The following BANP variants were observed in gnomAD, a reference collection of about 807,000 sequenced individuals.
BANP encodes the protein protein BANP.
In BANP, 11 loss-of-function variants were observed where a neutral mutation model predicts 68.1. That is an observed-to-expected ratio of 0.16 (90% CI 0.10 to 0.27). The LOEUF (loss-of-function observed/expected upper bound fraction) is 0.27, where lower values mean the gene tolerates loss of function less well. BANP is among the 10% of genes least tolerant of loss of function. BANP has a pLI of 1.00. For synonymous variants in BANP, 329 were observed against 303.2 expected (o/e 1.09, Z -0.88); for missense variants, 504 against 722.7 (o/e 0.70, Z 3.47).
chr16:87,998,025 G>A (rs188685321), intron 4 of BANP, among the ~76,000 whole-genome samples: 11 of 152,242 alleles, frequency 7.2e-5, no homozygotes, highest in East Asian at 1.9e-4. Context: ...GCTCTGGGTC[G>A]GGATTCTCAG....
chr16:88,037,898 T>G, intron 10 of BANP, 75 bp from the exon 11 acceptor site: 2 of 1,448,732 alleles, frequency 1.4e-6, no homozygotes, highest in Non-Finnish European at 1.9e-6. Context: ...TGATGTGTCT[T>G]GGCGTGTTTG....
intron 2 of BANP, among the ~76,000 whole-genome samples, chr16:87,976,568 T>A (rs944685329): frequency 1.3e-5 from 2 of 150,492 alleles, no homozygotes; most frequent in African/African-American, 4.9e-5. Context: ...ACTGAGTGTT[T>A]CAGTTGCCTG....
rs1188422109 is a variant in BANP at position 88,076,731 on chromosome 16, C to G, written c.*70C>G. ...GCCCGGCCCCCACGCGCCCTGCTCTCACGGCCTCGGCACAGGCAGCGGCTG... is the reference window on the plus strand; with the variant it reads ...GCCCGGCCCCCACGCGCCCTGCTCTGACGGCCTCGGCACAGGCAGCGGCTG... On this transcript the variant is annotated 3_prime_UTR_variant, in exon 14 of 14. Coordinates refer to ENST00000682872, the MANE Select transcript of BANP (RefSeq NM_001386991.1). 1.5e-6 allele frequency: 2 copies of G among 1,328,818 alleles called. No individual in the cohort carries two copies. Among genetic ancestry groups the G allele is most frequent in the African/African-American group, 1.5e-5 (1 of 67,940 alleles). 82.3% of individuals were successfully genotyped at this position (1,328,818 alleles called of 1,614,324 possible).
chr16:88,032,346 C>G (rs558140235), intron 8 of BANP, among the ~76,000 whole-genome samples: 1 of 151,810 alleles, frequency 6.6e-6, no homozygotes, highest in South Asian at 2.1e-4. Flanking sequence ...GGATTACAGA[C>G]CCCCACCACC....
intron 2 of BANP, among the ~76,000 whole-genome samples, chr16:87,978,126 G>A (rs1338083342): frequency 5.3e-5 from 8 of 152,290 alleles, no homozygotes; most frequent in Admixed American, 2.6e-4. Flanking sequence ...GTGAGCCACC[G>A]CATCCAGCCT....
intron 11 of BANP, among the ~76,000 whole-genome samples, chr16:88,043,847 T>C (rs2081359096): frequency 6.6e-6 from 1 of 152,198 alleles, no homozygotes; most frequent in African/African-American, 2.4e-5. Flanking sequence ...ATAGAATCTT[T>C]AATTTGGTGC....
chr16:88,032,596 C>T (rs530355495), intron 8 of BANP, among the ~76,000 whole-genome samples: 12 of 152,182 alleles, frequency 7.9e-5, no homozygotes, highest in East Asian at 1.9e-4. Flanking sequence ...AGTTTTTCTG[C>T]GCTCTTAATA....
Position 88,076,819 on chromosome 16 carries a change from C to A in BANP, c.*158C>A. The A allele has an allele frequency of 1.6e-6, 1 of 622,712 alleles. No individual in the cohort carries two copies. 38.6% of individuals were successfully genotyped at this position (622,712 alleles called of 1,614,324 possible). A position where few individuals can be genotyped will look rare whatever the true frequency, so the allele number is the denominator to read the frequency against. ...TCCGCGGGGAACAGCATCCTATCAA[C>A]TGAAAGAGCAGCCGCCGCCGCCCCC... On this transcript the variant is annotated 3_prime_UTR_variant, in exon 14 of 14. Coordinates refer to ENST00000682872, the MANE Select transcript of BANP (RefSeq NM_001386991.1).
intron 3 of BANP, 111 bp from the exon 4 acceptor site, chr16:87,983,949 C>CTG (rs2063791211): frequency 7.1e-7 from 1 of 1,415,666 alleles, no homozygotes; most frequent in South Asian, 1.4e-5. Context: ...GGGGATTGTT[C>CTG]TGTCTGAATA....
chr16:87,977,358 G>A (rs938824905), intron 2 of BANP, among the ~76,000 whole-genome samples: 8 of 151,932 alleles, frequency 5.3e-5, no homozygotes, highest in African/African-American at 1.9e-4. Context: ...GGCGGAGCTT[G>A]CAGTGAGCTG....
chr16:88,031,139 G>A (rs774814044), intron 8 of BANP, among the ~76,000 whole-genome samples: 4 of 152,220 alleles, frequency 2.6e-5, no homozygotes, highest in African/African-American at 9.6e-5. Context: ...ACAGGAAGCC[G>A]CCGTGGAGCA....
chr16:87,959,387 C>G (rs1390072298), intron 1 of BANP, among the ~76,000 whole-genome samples: 1 of 152,262 alleles, frequency 6.6e-6, no homozygotes, highest in African/African-American at 2.4e-5. Flanking sequence ...CGTGCCACCC[C>G]CTGACCTAGA....
chr16:88,074,040 G>T (rs2091051747), intron 13 of BANP, among the ~76,000 whole-genome samples: 1 of 152,208 alleles, frequency 6.6e-6, no homozygotes, highest in Admixed American at 6.5e-5. Flanking sequence ...CAACTGCAGG[G>T]TGCGTTAGCT....
chr16:88,019,232 A>T (rs1252816788), intron 7 of BANP, among the ~76,000 whole-genome samples: 1 of 152,094 alleles, frequency 6.6e-6, no homozygotes, highest in Non-Finnish European at 1.5e-5. Flanking sequence ...CCAGGTGGCG[A>T]TTGCGGTACT....
At chr16:88,015,816 G>T (rs1420388597) in intron 6 of BANP, among the ~76,000 whole-genome samples, 10 of 152,264 alleles carry the variant, frequency 6.6e-5, no homozygotes, top group Non-Finnish European at 1.5e-5. Flanking sequence ...TTTACCCGGG[G>T]CTCTGTACCG....
At chr16:87,959,484 G>C (rs1567579284) in intron 1 of BANP, among the ~76,000 whole-genome samples, 1 of 152,244 alleles carries the variant, frequency 6.6e-6, no homozygotes, top group Non-Finnish European at 1.5e-5. Context: ...GCACAGAGGA[G>C]CTGAGGTGTG....
intron 2 of BANP, chr16:87,978,456 G>A (rs10863194): frequency 0.35 from 125,132 of 360,008 alleles, 25,654 homozygotes; most frequent in Non-Finnish European, 0.47. Context: ...TGTGATGACC[G>A]GTTTCCAGTG....
At chr16:87,988,760 C>T (rs2065118092) in intron 4 of BANP, among the ~76,000 whole-genome samples, 1 of 152,152 alleles carries the variant, frequency 6.6e-6, no homozygotes, top group Non-Finnish European at 1.5e-5. Context: ...GACGAGGCCC[C>T]CGGAGAGAGT....
intron 11 of BANP, 135 bp downstream of exon 11, chr16:88,038,146 G>C (rs2079849597): frequency 1.2e-6 from 1 of 844,912 alleles, no homozygotes; most frequent in Non-Finnish European, 1.9e-6. Context: ...CGAGGGGTGG[G>C]GCTCTCACGG....
Sources: gnomAD v4.1 joint callset for allele counts (sites outside exome capture counted in the v4.1 genomes callset) on GRCh38, gnomAD v4.1.1 for gene constraint, MANE v1.5 for transcripts, NCBI Gene and HGNC (gene_info 2026-07-23, HGNC 2026-07-21) for gene names.